PAG1: variants seen among roughly 807,000 people sequenced by gnomAD.
The protein encoded by PAG1 is phosphoprotein associated with glycosphingolipid-enriched microdomains 1.
Under a neutral mutation model 31.7 loss-of-function variants are expected in PAG1, and 23 were observed. The ratio of observed to expected loss-of-function variants is 0.73; its 90% CI spans 0.52 to 1.03. The LOEUF is 1.03. PAG1 is among the 50% of genes least tolerant of loss of function. The pLI, the probability that PAG1 is intolerant of heterozygous loss-of-function variation, is 0.00. For synonymous variants in PAG1, 214 were observed against 210.3 expected, an observed-to-expected ratio of 1.02 and a Z score of -0.15; for missense variants, 473 against 540.7, an observed-to-expected ratio of 0.87 and a Z score of 1.24.
At chr8:80,993,861 C>T (rs1402635128) in intron 3 of PAG1, among the ~76,000 whole-genome samples, 1 of 152,210 alleles carries the variant, frequency 6.6e-6, no homozygotes, top group East Asian at 1.9e-4. Context: ...CTGCCTCAGC[C>T]TCCCAAAGTG....
chr8:80,978,345 A>G (rs1345831161), intron 8 of PAG1, among the ~76,000 whole-genome samples: 4 of 152,168 alleles, frequency 2.6e-5, no homozygotes, highest in African/African-American at 7.2e-5. Flanking sequence ...GAATTTAATA[A>G]AAAAAATTCA....
intron 2 of PAG1, among the ~76,000 whole-genome samples, chr8:81,046,643 C>A (rs954338112): frequency 6.6e-6 from 1 of 152,086 alleles, no homozygotes; most frequent in South Asian, 2.1e-4. Flanking sequence ...TTGATTGTGA[C>A]CACTCTTGGA....
At chr8:80,976,989 A>G in intron 8 of PAG1, 83 bp from the exon 9 acceptor site, 2 of 1,304,910 alleles carry the variant, frequency 1.5e-6, no homozygotes, top group East Asian at 2.3e-5. Context: ...CATACTGAGC[A>G]CTCCTGGGTT....
rs74831837 is a variant in PAG1 at position 81,001,596 on chromosome 8, T to G, written c.-80-8289A>C. ...CCCAAGAGGCTCGCTACATACCAGT[T>G]TTGACTCATAGGCTTGACATAAAAA... On this transcript the variant is annotated intron_variant, in intron 3 of 8. Transcript: ENST00000220597. Among the ~76,000 whole-genome samples, 305 of 152,214 alleles carry G rather than the reference T, an allele frequency of 2.0e-3. 1 individual carries two copies. Among genetic ancestry groups the G allele is most frequent in the African/African-American group, 7.0e-3 (292 of 41,524 alleles).
At position 81,042,735 on chromosome 8, in the gene PAG1, A is replaced by G. The variant is rs192528609; in HGVS notation, c.-174-12646T>C. On this transcript the variant is annotated intron_variant, in intron 2 of 8. Coordinates refer to ENST00000220597, the MANE Select transcript of PAG1 (RefSeq NM_018440.4). ...GGAACAAGTAAAGGTGTTAATGAAG[A>G]GAAGGGGTAAAGACTTTTCCCTCCC... 2.2e-3 allele frequency among the ~76,000 whole-genome samples: 330 copies of G among 152,228 alleles called. 2 individuals carry two copies. The highest frequency in any genetic ancestry group is 5.9e-4 in the Non-Finnish European group (40 of 68,032).
At chr8:81,100,290 T>C (rs1224187378) in intron 1 of PAG1, among the ~76,000 whole-genome samples, 1 of 152,254 alleles carries the variant, frequency 6.6e-6, no homozygotes, top group Non-Finnish European at 1.5e-5. Flanking sequence ...AGGTGTTCAA[T>C]AAATGATTAC....
intron 2 of PAG1, among the ~76,000 whole-genome samples, chr8:81,043,872 T>C (rs1808596694): frequency 1.3e-5 from 2 of 152,250 alleles, no homozygotes; most frequent in Admixed American, 1.3e-4. Flanking sequence ...TCATTTCTTT[T>C]AGTACCTTCT....
chr8:80,980,453 G>A lies in PAG1; in HGVS notation c.918C>T (p.Pro306=), dbSNP rs1277789967. 1.9e-6 allele frequency: 3 copies of A among 1,601,802 alleles called. No individual in the cohort carries two copies. Among genetic ancestry groups the A allele is most frequent in the Non-Finnish European group, 2.6e-6 (3 of 1,169,098 alleles). Residue 306 remains proline (P), a synonymous_variant, in exon 8 of 9, where the codon CCC becomes CCT. Coordinates refer to ENST00000220597, the MANE Select transcript of PAG1 (RefSeq NM_018440.4). Reference sequence around the variant, plus strand: ...AACTTACCTCTTCTTCTGTGAGAGTGGGGTCTTCTTCCCGAGACTTGTATG... The same window carrying A: ...AACTTACCTCTTCTTCTGTGAGAGTAGGGTCTTCTTCCCGAGACTTGTATG... ...SLSYKSREED[P]TLTEEEISAM... is the part of the protein sequence containing the mutation.
At chr8:81,054,401 A>G (rs960154688) in intron 2 of PAG1, among the ~76,000 whole-genome samples, 1 of 152,202 alleles carries the variant, frequency 6.6e-6, no homozygotes, top group East Asian at 1.9e-4. Context: ...GTTCAAGAGT[A>G]TATCAATATT....
intron 1 of PAG1, among the ~76,000 whole-genome samples, chr8:81,080,972 T>C (rs1563423357): frequency 6.6e-6 from 1 of 152,130 alleles, no homozygotes; most frequent in Non-Finnish European, 1.5e-5. Context: ...CCTATGCAGA[T>C]AGGCCAAAGA....
intron 1 of PAG1, among the ~76,000 whole-genome samples, chr8:81,102,908 C>A (rs1055125480): frequency 6.6e-6 from 1 of 151,984 alleles, no homozygotes; most frequent in Admixed American, 6.6e-5. Context: ...AAAAGGAAAA[C>A]CAATAGTTTA....
At chr8:81,098,085 A>C (rs1238727149) in intron 1 of PAG1, among the ~76,000 whole-genome samples, 1 of 152,192 alleles carries the variant, frequency 6.6e-6, no homozygotes. Flanking sequence ...CATCCATCAA[A>C]ATATTCATTT....
chr8:81,003,984 C>G (rs1011185541), intron 3 of PAG1, among the ~76,000 whole-genome samples: 1 of 152,174 alleles, frequency 6.6e-6, no homozygotes, highest in African/African-American at 2.4e-5. Flanking sequence ...TCCAAAACAC[C>G]ATTTGCACTC....
chr8:81,074,826 C>T (rs576182238), intron 1 of PAG1, among the ~76,000 whole-genome samples: 1 of 152,322 alleles, frequency 6.6e-6, no homozygotes, highest in South Asian at 2.1e-4. Context: ...GAATAGCATT[C>T]TGAGGTTAGG....
chr8:81,096,151 T>C (rs1197912119), intron 1 of PAG1, among the ~76,000 whole-genome samples: 1 of 152,202 alleles, frequency 6.6e-6, no homozygotes, highest in Non-Finnish European at 1.5e-5. Context: ...AAAACTACTA[T>C]ATTTGGAAGA....
intron 3 of PAG1, among the ~76,000 whole-genome samples, chr8:81,014,960 C>T (rs1159761915): frequency 1.3e-5 from 2 of 152,164 alleles, no homozygotes; most frequent in African/African-American, 2.4e-5. Flanking sequence ...CATCTGATCT[C>T]TATCATTTAA....
At chr8:80,991,424 G>A in intron 5 of PAG1, 55 bp downstream of exon 5, 1 of 1,356,256 alleles carries the variant, frequency 7.4e-7, no homozygotes, top group East Asian at 2.3e-5. Context: ...TAGATAAGTA[G>A]CTGATGTTCT....
chr8:81,064,045 T>C (rs1293221633), intron 2 of PAG1, among the ~76,000 whole-genome samples: 2 of 148,016 alleles, frequency 1.4e-5, no homozygotes, highest in Admixed American at 6.6e-5. Flanking sequence ...CCTGGAACTG[T>C]TAATAAGAAG....
At chr8:81,097,325 G>T (rs893262726) in intron 1 of PAG1, among the ~76,000 whole-genome samples, 2 of 152,200 alleles carry the variant, frequency 1.3e-5, no homozygotes, top group Non-Finnish European at 2.9e-5. Flanking sequence ...ATTAAATGTG[G>T]AATGGGGTGC....
Sources: allele counts gnomAD v4.1 joint callset (sites outside exome capture counted in the v4.1 genomes callset), GRCh38; gene constraint gnomAD v4.1.1; transcripts MANE v1.5; gene names NCBI Gene and HGNC (gene_info 2026-07-23, HGNC 2026-07-21).